SAMMSON: variants seen among roughly 807,000 people sequenced by gnomAD.
SAMMSON encodes long intergenic non-protein coding RNA 1212.
At chr3:70,334,248 T>A (rs921696821) in intron 7 of SAMMSON, among the ~76,000 whole-genome samples, 2 of 152,130 alleles carry the variant, frequency 1.3e-5, no homozygotes, top group African/African-American at 4.8e-5. Flanking sequence ...AACCTAATCA[T>A]ATTTGACATG....
intron 3 of SAMMSON, among the ~76,000 whole-genome samples, chr3:70,019,060 T>G (rs1461098686): frequency 1.3e-5 from 2 of 152,198 alleles, no homozygotes; most frequent in African/African-American, 4.8e-5. Flanking sequence ...TATATTCTGT[T>G]GATTTGGGGT....
intron 8 of SAMMSON, among the ~76,000 whole-genome samples, chr3:70,356,444 C>A (rs149608357): frequency 1.2e-4 from 18 of 152,080 alleles, no homozygotes; most frequent in African/African-American, 4.1e-4. Flanking sequence ...ATGTGCTATA[C>A]CCTAACCTGC....
intron 7 of SAMMSON, among the ~76,000 whole-genome samples, chr3:70,348,102 T>A (rs1017766105): frequency 6.6e-6 from 1 of 152,022 alleles, no homozygotes; most frequent in Non-Finnish European, 1.5e-5. Flanking sequence ...TATAAATGAT[T>A]GGAACATACT....
chr3:70,246,134 G>T (rs1247432802), intron 4 of SAMMSON, among the ~76,000 whole-genome samples: 3 of 151,824 alleles, frequency 2.0e-5, no homozygotes, highest in African/African-American at 7.3e-5. Flanking sequence ...AGATGCTTCT[G>T]GGATGAACCG....
intron 4 of SAMMSON, among the ~76,000 whole-genome samples, chr3:70,202,568 A>G (rs1016920109): frequency 6.6e-6 from 1 of 152,292 alleles, no homozygotes; most frequent in African/African-American, 2.4e-5. Flanking sequence ...AATCACTGCT[A>G]TTGAAGTGCC....
chr3:70,394,587 T>C (rs1701076395), downstream of SAMMSON, among the ~76,000 whole-genome samples: 1 of 152,054 alleles, frequency 6.6e-6, no homozygotes, highest in Non-Finnish European at 1.5e-5. Flanking sequence ...ATATGAAAAA[T>C]TTCTAGACAT....
At chr3:70,000,733 T>C (rs1242908510) in intron 1 of SAMMSON, among the ~76,000 whole-genome samples, 1 of 152,204 alleles carries the variant, frequency 6.6e-6, no homozygotes, top group Admixed American at 6.5e-5. Flanking sequence ...CATTGTTTGC[T>C]TTTACAGTCA....
intron 3 of SAMMSON, among the ~76,000 whole-genome samples, chr3:70,019,130 A>G (rs1268853746): frequency 2.0e-5 from 3 of 151,960 alleles, no homozygotes; most frequent in African/African-American, 4.8e-5. Flanking sequence ...CAATTCCTGG[A>G]TATCCTTGTT....
chr3:70,428,611 T>A (rs182592665), intron 2 of SAMMSON, among the ~76,000 whole-genome samples: 97 of 152,322 alleles, frequency 6.4e-4, no homozygotes, highest in African/African-American at 2.2e-3. Context: ...GACTTTGGTA[T>A]CTTATATAGG....
intron 4 of SAMMSON, among the ~76,000 whole-genome samples, chr3:70,163,207 CT>C (rs144232021): frequency 6.6e-6 from 1 of 150,752 alleles, no homozygotes; most frequent in Non-Finnish European, 1.5e-5. Flanking sequence ...TATCTTATGT[CT>C]TTTTTGTGTT....
intron 4 of SAMMSON, among the ~76,000 whole-genome samples, chr3:70,147,636 C>G (rs1203829711): frequency 6.6e-6 from 1 of 151,954 alleles, no homozygotes; most frequent in African/African-American, 2.4e-5. Flanking sequence ...TAATCTCATA[C>G]CTTATATAAA....
At chr3:70,088,455 G>A (rs574378316) in intron 4 of SAMMSON, among the ~76,000 whole-genome samples, 2 of 152,236 alleles carry the variant, frequency 1.3e-5, no homozygotes, top group South Asian at 2.1e-4. Context: ...TGCATCCAAC[G>A]TGCACCATGG....
chr3:70,196,845 A>G (rs1701186417), intron 4 of SAMMSON: 3 of 397,880 alleles, frequency 7.5e-6, no homozygotes, highest in Non-Finnish European at 1.3e-5. Context: ...CTTACATTTC[A>G]GCACATGGAA....
At chr3:70,205,374 T>C (rs1422610506) in intron 4 of SAMMSON, 1 of 152,226 alleles carries the variant, frequency 6.6e-6, no homozygotes, top group East Asian at 1.9e-4. Flanking sequence ...TGCAGGCAAC[T>C]ACAGGCAATT....
chr3:70,116,612 C>T (rs2067412804), intron 4 of SAMMSON, among the ~76,000 whole-genome samples: 1 of 151,958 alleles, frequency 6.6e-6, no homozygotes, highest in South Asian at 2.1e-4. Context: ...TTTCTGGCTG[C>T]AAGTGAATGA....
intron 2 of SAMMSON, among the ~76,000 whole-genome samples, chr3:70,407,072 A>G (rs765156794): frequency 2.6e-5 from 4 of 152,330 alleles, no homozygotes; most frequent in Middle Eastern, 3.4e-3. Flanking sequence ...GAAAACCCTG[A>G]TATAACCATC....
intron 7 of SAMMSON, among the ~76,000 whole-genome samples, chr3:70,323,010 CAGT>C (rs1702549307): frequency 6.6e-6 from 1 of 151,994 alleles, no homozygotes; most frequent in Non-Finnish European, 1.5e-5. Context: ...AAAAAGAAGA[CAGT>C]GGTTGAATTT....
chr3:70,122,930 T>G (rs1337351598), intron 4 of SAMMSON, among the ~76,000 whole-genome samples: 1 of 152,218 alleles, frequency 6.6e-6, no homozygotes, highest in Non-Finnish European at 1.5e-5. Context: ...CACCTCACCG[T>G]CCTAGGGCAT....
At chr3:70,315,918 G>A (rs932079254) in intron 7 of SAMMSON, among the ~76,000 whole-genome samples, 1 of 152,086 alleles carries the variant, frequency 6.6e-6, no homozygotes, top group African/African-American at 2.4e-5. Context: ...AGTGTTCATT[G>A]AGCCCATTTA....
Sources: gnomAD v4.1 joint callset for allele counts (sites outside exome capture counted in the v4.1 genomes callset) on GRCh38, gnomAD v4.1.1 for gene constraint, MANE v1.5 for transcripts, NCBI Gene and HGNC (gene_info 2026-07-23, HGNC 2026-07-21) for gene names.